The following ROBO2 variants were observed in gnomAD, a reference collection of about 807,000 sequenced individuals.
The protein encoded by ROBO2 is roundabout guidance receptor 2, also known as roundabout homolog 2.
Under a neutral mutation model 160.8 loss-of-function variants are expected in ROBO2, and 53 were observed. The ratio of observed to expected loss-of-function variants is 0.33; its 90% CI spans 0.26 to 0.41. The LOEUF (loss-of-function observed/expected upper bound fraction) is 0.41. Among genes scored for constraint, ROBO2 ranks in the 10% least tolerant of loss-of-function variants. The pLI, the probability that ROBO2 is intolerant of heterozygous loss-of-function variation, is 1.00. For synonymous variants in ROBO2, 664 were observed against 611.7 expected (o/e 1.09, Z -1.26); for missense variants, 1,577 against 1,722.4 (o/e 0.92, Z 1.49).
chr3:76,378,939 A>C (rs1044544182), intron 2 of ROBO2, among the ~76,000 whole-genome samples: 1 of 152,184 alleles, frequency 6.6e-6, no homozygotes, highest in Non-Finnish European at 1.5e-5. Flanking sequence ...CCTCTTTGCT[A>C]TGCACAGCTG....
chr3:76,846,220 A>G (rs1021166240), intron 2 of ROBO2, among the ~76,000 whole-genome samples: 1 of 152,144 alleles, frequency 6.6e-6, no homozygotes, highest in Admixed American at 6.5e-5. Flanking sequence ...ATAAGGATAT[A>G]TATTCCTTGT....
intron 6 of ROBO2, among the ~76,000 whole-genome samples, chr3:77,528,316 T>G (rs1582727093): frequency 6.6e-6 from 1 of 151,740 alleles, no homozygotes; most frequent in Admixed American, 6.6e-5. Context: ...AATAACAACT[T>G]ATTCAATTTT....
intron 2 of ROBO2, among the ~76,000 whole-genome samples, chr3:76,413,921 C>T (rs1282584848): frequency 2.5e-5 from 3 of 121,350 alleles, no homozygotes; most frequent in Non-Finnish European, 5.2e-5. Context: ...AAAGACATAC[C>T]CAAGACTGGG....
chr3:76,302,079 A>G (rs967153345), intron 2 of ROBO2, among the ~76,000 whole-genome samples: 3 of 151,994 alleles, frequency 2.0e-5, no homozygotes, highest in Non-Finnish European at 4.4e-5. Context: ...AAAATAAATT[A>G]TTATTTATAT....
intron 2 of ROBO2, among the ~76,000 whole-genome samples, chr3:77,233,237 T>C (rs1390437507): frequency 2.6e-5 from 4 of 152,208 alleles, no homozygotes; most frequent in African/African-American, 9.7e-5. Context: ...AACAATTCAG[T>C]AATATCAATA....
At chr3:76,242,487 A>G (rs1705351354) in intron 2 of ROBO2, among the ~76,000 whole-genome samples, 4 of 152,196 alleles carry the variant, frequency 2.6e-5, no homozygotes, top group Admixed American at 2.6e-4. Flanking sequence ...CTCTAGCTGA[A>G]GGCCACATAT....
At chr3:76,173,630 G>C (rs893207478) in intron 2 of ROBO2, among the ~76,000 whole-genome samples, 7 of 151,962 alleles carry the variant, frequency 4.6e-5, no homozygotes, top group Non-Finnish European at 7.4e-5. Context: ...TTCTGTTCCT[G>C]TGTTCCTTTG....
At chr3:75,977,042 T>A (rs1236191425) in intron 2 of ROBO2, among the ~76,000 whole-genome samples, 1 of 151,646 alleles carries the variant, frequency 6.6e-6, no homozygotes, top group African/African-American at 2.4e-5. Context: ...TGTGTTGTGT[T>A]GAATCACTCT....
intron 2 of ROBO2, among the ~76,000 whole-genome samples, chr3:77,333,439 GC>G (rs1672043184): frequency 6.6e-6 from 1 of 152,114 alleles, no homozygotes; most frequent in Non-Finnish European, 1.5e-5. Flanking sequence ...AAGTATAGAA[GC>G]TTTTAAGTGA....
intron 25 of ROBO2, 94 bp from the exon 28 acceptor site, chr3:77,645,960 A>G: frequency 2.4e-6 from 2 of 834,986 alleles, no homozygotes; most frequent in Non-Finnish European, 3.8e-6. Context: ...CCTTATTTTC[A>G]TTGATTATCT....
intron 2 of ROBO2, among the ~76,000 whole-genome samples, chr3:76,328,908 T>TTATATATATATATATA (rs201466987): frequency 1.1e-4 from 15 of 136,016 alleles, no homozygotes; most frequent in Middle Eastern, 3.8e-3. Context: ...ATTTATGTTA[T>TTATATATATATATATA]TATATATATA....
At chr3:77,127,982 C>T (rs546592249) in intron 2 of ROBO2, among the ~76,000 whole-genome samples, 11 of 152,260 alleles carry the variant, frequency 7.2e-5, no homozygotes, top group African/African-American at 2.4e-4. Flanking sequence ...CACAGTTTTT[C>T]GCCTATAATG....
chr3:76,139,341 C>T (rs1553655603), intron 2 of ROBO2, among the ~76,000 whole-genome samples: 1 of 151,924 alleles, frequency 6.6e-6, no homozygotes, highest in Non-Finnish European at 1.5e-5. Context: ...CCAACTAATA[C>T]AAAATGTACA....
intron 2 of ROBO2, among the ~76,000 whole-genome samples, chr3:76,827,692 T>C (rs1393718340): frequency 6.6e-6 from 1 of 152,142 alleles, no homozygotes; most frequent in Non-Finnish European, 1.5e-5. Flanking sequence ...CTCTAGCTAG[T>C]GTACAACCTC....
At chr3:76,548,804 T>G (rs2083258874) in intron 2 of ROBO2, among the ~76,000 whole-genome samples, 1 of 152,000 alleles carries the variant, frequency 6.6e-6, no homozygotes, top group South Asian at 2.1e-4. Flanking sequence ...AATGGAAAGA[T>G]GAATACGGTC....
At chr3:77,328,528 G>T (rs2065665736) in intron 2 of ROBO2, among the ~76,000 whole-genome samples, 1 of 152,072 alleles carries the variant, frequency 6.6e-6, no homozygotes, top group Non-Finnish European at 1.5e-5. Flanking sequence ...TCATCATTTT[G>T]TATATGCTGT....
chr3:76,229,067 C>T (rs1444949893), intron 2 of ROBO2, among the ~76,000 whole-genome samples: 1 of 152,142 alleles, frequency 6.6e-6, no homozygotes, highest in Non-Finnish European at 1.5e-5. Flanking sequence ...AATCTTTCCT[C>T]TTCTCAAATT....
chr3:76,583,403 ACACT>A (rs1263335239), intron 2 of ROBO2, among the ~76,000 whole-genome samples: 1 of 152,222 alleles, frequency 6.6e-6, no homozygotes, highest in African/African-American at 2.4e-5. Flanking sequence ...ATATTCACAC[ACACT>A]CAGGCAAACA....
chr3:76,281,038 A>G (rs1708205274), intron 2 of ROBO2, among the ~76,000 whole-genome samples: 1 of 151,990 alleles, frequency 6.6e-6, no homozygotes, highest in Non-Finnish European at 1.5e-5. Context: ...TTTCACTTCT[A>G]GGAATCTGTC....
Sources: gnomAD v4.1 joint callset for allele counts (sites outside exome capture counted in the v4.1 genomes callset) on GRCh38, gnomAD v4.1.1 for gene constraint, MANE v1.5 for transcripts, NCBI Gene and HGNC (gene_info 2026-07-23, HGNC 2026-07-21) for gene names.